The following SORCS2 variants were observed in gnomAD, a reference collection of about 807,000 sequenced individuals.
SORCS2 encodes VPS10 domain-containing receptor SorCS2.
SORCS2 carries 100 observed loss-of-function variants against 141.6 expected under a neutral mutation model. The ratio of observed to expected loss-of-function variants is 0.71; its 90% CI spans 0.60 to 0.83. SORCS2 has a LOEUF of 0.83. Among genes scored for constraint, SORCS2 ranks in the 40% least tolerant of loss-of-function variants. The pLI is 0.00. For missense variants in SORCS2, 1,646 were observed against 1,560.2 expected (o/e 1.05, Z -0.93); for synonymous variants, 789 against 676.9 (o/e 1.17, Z -2.57).
At chr4:7,723,171 G>T (rs1726712050) in intron 18 of SORCS2, among the ~76,000 whole-genome samples, 1 of 152,196 alleles carries the variant, frequency 6.6e-6, no homozygotes, top group Non-Finnish European at 1.5e-5. Flanking sequence ...CCCCATCTCA[G>T]CGTCACTCCT....
chr4:7,424,606 C>T (rs943729620), intron 2 of SORCS2, among the ~76,000 whole-genome samples: 4 of 152,206 alleles, frequency 2.6e-5, no homozygotes, highest in African/African-American at 9.6e-5. Flanking sequence ...CTCATGGTGG[C>T]AGGAGCGCCC....
intron 3 of SORCS2, among the ~76,000 whole-genome samples, chr4:7,599,393 G>A (rs542416983): frequency 1.3e-5 from 2 of 152,288 alleles, no homozygotes; most frequent in East Asian, 1.9e-4. Context: ...ACCGTCCCCC[G>A]CCAAGCCCGG....
intron 1 of SORCS2, among the ~76,000 whole-genome samples, chr4:7,232,624 TG>T (rs1442820937): frequency 2.0e-5 from 3 of 152,228 alleles, no homozygotes; most frequent in African/African-American, 4.8e-5. Context: ...CCCTCGGTGC[TG>T]GGGCTTTGCA....
chr4:7,621,399 GTGTC>G (rs772627110), intron 3 of SORCS2, among the ~76,000 whole-genome samples: 127 of 151,454 alleles, frequency 8.4e-4, no homozygotes, highest in Non-Finnish European at 1.5e-3. Context: ...GTTTATGTGT[GTGTC>G]TGTGTGCATG....
At chr4:7,627,334 G>A (rs1719577576) in intron 3 of SORCS2, among the ~76,000 whole-genome samples, 1 of 152,182 alleles carries the variant, frequency 6.6e-6, no homozygotes, top group African/African-American at 2.4e-5. Context: ...GACAGTGGGA[G>A]GCGTCCTGCT....
rs541228771 is a variant in SORCS2, at chr4:7,702,937, A to G, written c.1669-343A>G. 2.0e-5 allele frequency among the ~76,000 whole-genome samples: 3 copies of G among 152,220 alleles called. No homozygotes were observed. The East Asian group carries it at 5.8e-4, about 29-fold the overall frequency. On this transcript the variant is annotated intron_variant, in intron 12 of 26. Coordinates refer to ENST00000507866, the MANE Select transcript of SORCS2 (RefSeq NM_020777.3). Reference sequence around the variant, plus strand: ...CTTTGACTGAGGCTGTGTATCGTAAATATTTTTCTGTTTCTTTCTCATCTT... The same window carrying G: ...CTTTGACTGAGGCTGTGTATCGTAAGTATTTTTCTGTTTCTTTCTCATCTT...
rs1713989735 is a variant in SORCS2 at position 7,257,604 on chromosome 4, G to T, written c.480+64478G>T. Among the ~76,000 whole-genome samples the T allele has an allele frequency of 3.3e-5, 5 of 152,166 alleles. 1 individual carries two copies. The South Asian group carries it at 1.0e-3, about 32-fold the overall frequency. On this transcript the variant is annotated intron_variant, in intron 1 of 26. Transcript: ENST00000507866. ...TGTGTCCTGCACACTGACTGAGAGT[G>T]TGTCCTTGACAAGTCCCTTCACCTC... is the stretch of plus-strand genomic sequence containing the variant.
chr4:7,697,319 C>A, intron 12 of SORCS2, 45 bp downstream of exon 12: 1 of 1,496,854 alleles, frequency 6.7e-7, no homozygotes, highest in South Asian at 1.2e-5. Flanking sequence ...CCCATCCAGC[C>A]GGGACCCTCA....
intron 1 of SORCS2, among the ~76,000 whole-genome samples, chr4:7,228,024 C>G (rs1711543016): frequency 6.6e-6 from 1 of 152,158 alleles, no homozygotes; most frequent in Non-Finnish European, 1.5e-5. Flanking sequence ...ATTTCTTGGC[C>G]ACAGTGTCCT....
chr4:7,711,087 A>T (rs1230798053), intron 14 of SORCS2, among the ~76,000 whole-genome samples: 4 of 152,182 alleles, frequency 2.6e-5, no homozygotes, highest in Non-Finnish European at 5.9e-5. Context: ...CCTGGGGGGA[A>T]GGTCCAGCTA....
chr4:7,539,515 T>C (rs574670770), intron 3 of SORCS2, among the ~76,000 whole-genome samples: 244 of 152,310 alleles, frequency 1.6e-3, no homozygotes, highest in African/African-American at 5.4e-3. Flanking sequence ...ATGTGTAGGG[T>C]AGCTGGCTGG....
chr4:7,676,750 G>GC (rs1723148102), intron 9 of SORCS2, among the ~76,000 whole-genome samples: 14 of 75,500 alleles, frequency 1.9e-4, no homozygotes, highest in Non-Finnish European at 2.3e-4. Context: ...CTCCACCCCC[G>GC]CCCTGTCATC....
intron 1 of SORCS2, among the ~76,000 whole-genome samples, chr4:7,212,279 G>T (rs1365205938): frequency 6.6e-6 from 1 of 152,194 alleles, no homozygotes; most frequent in Admixed American, 6.5e-5. Context: ...GATCTTCCCA[G>T]TTGGTTTAAA....
intron 3 of SORCS2, among the ~76,000 whole-genome samples, chr4:7,597,848 G>T (rs944092893): frequency 6.6e-6 from 1 of 152,116 alleles, no homozygotes; most frequent in Non-Finnish European, 1.5e-5. Context: ...GAACTGGTGA[G>T]GGAGGAGGGG....
At chr4:7,366,676 G>A (rs896153481) in intron 1 of SORCS2, among the ~76,000 whole-genome samples, 2 of 152,028 alleles carry the variant, frequency 1.3e-5, no homozygotes, top group African/African-American at 4.8e-5. Flanking sequence ...ACTTCTGGGA[G>A]ACCTTCCATG....
intron 23 of SORCS2, among the ~76,000 whole-genome samples, chr4:7,729,915 C>G (rs1277154800): frequency 6.6e-6 from 1 of 152,142 alleles, no homozygotes; most frequent in East Asian, 1.9e-4. Context: ...GTCACTGCGG[C>G]AGAGGTAGTC....
chr4:7,563,540 A>G (rs972368571), intron 3 of SORCS2, among the ~76,000 whole-genome samples: 2 of 152,120 alleles, frequency 1.3e-5, no homozygotes, highest in South Asian at 2.1e-4. Flanking sequence ...TCATGGCTGA[A>G]TGAGAGGAGT....
chr4:7,378,061 A>AATT (rs1283211763), intron 1 of SORCS2, among the ~76,000 whole-genome samples: 48 of 152,312 alleles, frequency 3.2e-4, no homozygotes, highest in African/African-American at 1.1e-3. Context: ...TTTTAGTTAT[A>AATT]ATTAGACTAG....
rs149992259 is a variant in SORCS2 at position 7,373,633 on chromosome 4, C to T, written c.481-22655C>T. On this transcript the variant is annotated intron_variant, in intron 1 of 26. Coordinates refer to ENST00000507866, the MANE Select transcript of SORCS2 (RefSeq NM_020777.3). Reference sequence around the variant, plus strand: ...TCAGCCTCCCAAGTAGCTGGGATTACAGGCCACACTACCATGTCCAATTAA... The same window carrying T: ...TCAGCCTCCCAAGTAGCTGGGATTATAGGCCACACTACCATGTCCAATTAA... Among the ~76,000 whole-genome samples, 1,056 of 150,556 alleles carry T rather than the reference C, an allele frequency of 7.0e-3. 8 individuals are homozygous for T. The highest frequency in any genetic ancestry group is 0.024 in the African/African-American group (988 of 40,820).
Sources: allele counts gnomAD v4.1 joint callset (sites outside exome capture counted in the v4.1 genomes callset), GRCh38; gene constraint gnomAD v4.1.1; transcripts MANE v1.5; gene names NCBI Gene and HGNC (gene_info 2026-07-23, HGNC 2026-07-21).